The following ADNP2 variants were observed in gnomAD, a reference collection of about 807,000 sequenced individuals.
ADNP2 encodes activity-dependent neuroprotector homeobox protein 2.
ADNP2 carries 8 observed loss-of-function variants against 16.4 expected under a neutral mutation model. The observed-to-expected ratio is 0.49, with a 90% CI of 0.29 to 0.88. The LOEUF is 0.88. Ranked by LOEUF, ADNP2 falls within the 40% of genes least tolerant of loss-of-function variation. The pLI, the probability that ADNP2 is intolerant of heterozygous loss-of-function variation, is 0.09. For synonymous variants in ADNP2, 637 were observed against 545.8 expected (o/e 1.17, Z -2.33); for missense variants, 1,397 against 1,395.1 (o/e 1.00, Z -0.02).
At position 80,135,806 on chromosome 18, in the gene ADNP2, C is replaced by G; in HGVS notation, c.393C>G (p.Val131=). 6 of 1,614,152 alleles carry G rather than the reference C, an allele frequency of 3.7e-6. No homozygotes were observed. Among genetic ancestry groups the G allele is most frequent in the Non-Finnish European group, 5.1e-6 (6 of 1,180,032 alleles). Residue 131 remains valine, a synonymous_variant, in exon 4 of 4, where the codon GTC becomes GTG. Transcript: ENST00000262198. ...GRHFRMFHAP[V]RKVQNYTVNI... is the part of the protein sequence containing the mutation. ...ACTTCAGAATGTTCCATGCACCTGT[C>G]CGGAAAGTCCAGAACTACACAGTGA...
intron 2 of ADNP2, among the ~76,000 whole-genome samples, chr18:80,120,607 G>A (rs998664279): frequency 6.6e-5 from 10 of 151,722 alleles, no homozygotes; most frequent in African/African-American, 2.4e-4. Flanking sequence ...AGAGTGGTGG[G>A]ATTATATGTG....
intron 1 of ADNP2, among the ~76,000 whole-genome samples, chr18:80,115,226 C>T (rs2052381732): frequency 6.6e-6 from 1 of 152,128 alleles, no homozygotes. Flanking sequence ...CTATGGGAGC[C>T]CTTTCAAGCT....
At position 80,136,512 on chromosome 18, in the gene ADNP2, G is replaced by C; in HGVS notation, c.1099G>C (p.Val367Leu). ...TCACGGGGTTCCACTTCATCAGTCT[G>C]TGAATCCTCCTGTGTTGCCCTTGAG... ...LSHGVPLHQS[V>L]NPPVLPLSQP... Residue 367 changes from valine to leucine, a missense_variant, in exon 4 of 4, where the codon GTG becomes CTG. Physicochemically the swap from Val to Leu is conservative, Grantham distance 32 (BLOSUM62 1). Around this residue, in one of 3 missense-constraint regions of ADNP2, gnomAD observed 777 missense variants for 719.4 expected, o/e 1.08. Transcript: ENST00000262198. 6.2e-7 allele frequency: 1 copy of C among 1,614,198 alleles called. No individual in the cohort carries two copies.
At chr18:80,129,110 T>TG (rs1555729824) in intron 2 of ADNP2, among the ~76,000 whole-genome samples, 2 of 149,696 alleles carry the variant, frequency 1.3e-5, no homozygotes, top group African/African-American at 2.5e-5. Flanking sequence ...TTTTTGTTTT[T>TG]TTTTTTTTTT....
chr18:80,114,123 G>A (rs1214957233), intron 1 of ADNP2, among the ~76,000 whole-genome samples: 2 of 151,184 alleles, frequency 1.3e-5, no homozygotes, highest in African/African-American at 4.9e-5. Flanking sequence ...AGGTTGGGAG[G>A]TTGAGGCTGC....
intron 2 of ADNP2, among the ~76,000 whole-genome samples, chr18:80,127,339 G>GT (rs35560770): frequency 0.44 from 44,325 of 101,856 alleles, 10,656 homozygotes; most frequent in East Asian, 0.56. Flanking sequence ...GGTTTTTTCA[G>GT]TTTTTTTTTT....
chr18:80,112,339 A>G (rs1421537105), intron 1 of ADNP2, among the ~76,000 whole-genome samples: 1 of 152,016 alleles, frequency 6.6e-6, no homozygotes, highest in Non-Finnish European at 1.5e-5. Context: ...CCCATCCCCA[A>G]AGTGGTTGGC....
In ADNP2 at chr18:80,117,643, T is replaced by TA; in HGVS notation, c.102dup (p.Leu35ThrfsTer5). The TA allele has an allele frequency of 6.2e-7, 1 of 1,601,166 alleles. No individual in the cohort carries two copies. The highest frequency in any genetic ancestry group is 1.1e-5 in the South Asian group (1 of 88,508). Reference sequence around the variant, plus strand: ...ATTGGGCTTGACAGCTGCAAGGAGTTACTGAAGGTAAGAGGACGTAAGTAG... The same window carrying TA: ...ATTGGGCTTGACAGCTGCAAGGAGTTAACTGAAGGTAAGAGGACGTAAGTAG... On this transcript the variant is annotated frameshift_variant, in exon 2 of 4. Transcript: ENST00000262198. LOFTEE classifies it high-confidence loss of function.
chr18:80,116,939 C>T (rs2052393107), intron 1 of ADNP2, among the ~76,000 whole-genome samples: 1 of 152,200 alleles, frequency 6.6e-6, no homozygotes, highest in African/African-American at 2.4e-5. Context: ...GCCACTGTTC[C>T]CTGCCTGAGC....
At position 80,135,827 on chromosome 18, in the gene ADNP2, A is replaced by G; in HGVS notation, c.414A>G (p.Thr138=). Residue 138 remains threonine (T), a synonymous_variant, in exon 4 of 4, where the codon ACA becomes ACG. Transcript: ENST00000262198. The part of the protein sequence containing the change: ...HAPVRKVQNY[T]VNILGETKSS... ...CTGTCCGGAAAGTCCAGAACTACAC[A>G]GTGAATATTTTAGGTGAAACTAAAT... 1 of 1,614,194 alleles carries G rather than the reference A, an allele frequency of 6.2e-7. No homozygotes were observed. Among genetic ancestry groups the G allele is most frequent in the Non-Finnish European group, 8.5e-7 (1 of 1,180,002 alleles).
intron 1 of ADNP2, among the ~76,000 whole-genome samples, chr18:80,114,590 C>T (rs1426673469): frequency 6.6e-6 from 1 of 152,152 alleles, no homozygotes; most frequent in African/African-American, 2.4e-5. Context: ...ATAACAAAAC[C>T]ATCAAAATCA....
chr18:80,135,592 G>C lies in ADNP2; in HGVS notation c.199-20G>C, dbSNP rs1409783788. On this transcript the variant is annotated intron_variant, in intron 3 of 3. Transcript: ENST00000262198. ...GACAGTTTATTCAATTATGCTTAAG[G>C]CTTTCTTTTCTTTTAACAGAGATAT... 2 of 1,594,600 alleles carry C rather than the reference G, an allele frequency of 1.3e-6. No homozygotes were observed. Among genetic ancestry groups the C allele is most frequent in the African/African-American group, 2.7e-5 (2 of 74,214 alleles).
Position 80,138,817 on chromosome 18 carries a change from A to G in ADNP2, c.*8A>G. The G allele has an allele frequency of 2.3e-6, 2 of 864,430 alleles. No individual in the cohort carries two copies. 53.5% of individuals were successfully genotyped at this position (864,430 alleles called of 1,614,324 possible). The stretch of plus-strand genomic sequence containing the variant: ...TTTGAATATGAACCATAAAACTTGC[A>G]AAAAAAAAAAAAAGTAACTCTAAAG... On this transcript the variant is annotated 3_prime_UTR_variant, in exon 4 of 4. Coordinates refer to ENST00000262198, the MANE Select transcript of ADNP2 (RefSeq NM_014913.4).
chr18:80,119,344 G>A (rs777240700), intron 2 of ADNP2, among the ~76,000 whole-genome samples: 7 of 151,404 alleles, frequency 4.6e-5, no homozygotes, highest in Admixed American at 1.3e-4. Context: ...CCCAGGAGGC[G>A]GAGCTTGCAG....
chr18:80,124,879 C>G (rs1231826335), intron 2 of ADNP2, among the ~76,000 whole-genome samples: 2 of 152,094 alleles, frequency 1.3e-5, no homozygotes, highest in African/African-American at 4.8e-5. Context: ...TGTCTATTTT[C>G]TAATTTTTCT....
At chr18:80,135,400 C>T (rs1432259084) in intron 3 of ADNP2, among the ~76,000 whole-genome samples, 1 of 152,114 alleles carries the variant, frequency 6.6e-6, no homozygotes, top group African/African-American at 2.4e-5. Flanking sequence ...GAGTAGTTGC[C>T]ACAGAGACTG....
intron 1 of ADNP2, among the ~76,000 whole-genome samples, chr18:80,115,946 G>T (rs2052386498): frequency 6.6e-6 from 1 of 152,098 alleles, no homozygotes; most frequent in Non-Finnish European, 1.5e-5. Flanking sequence ...TGTATTTTTA[G>T]TAGAGATGGG....
chr18:80,129,173 G>A (rs553086785), intron 2 of ADNP2, among the ~76,000 whole-genome samples: 40 of 143,426 alleles, frequency 2.8e-4, no homozygotes, highest in Non-Finnish European at 5.3e-4. Context: ...GTGAGATCTC[G>A]GCTCACTGCA....
chr18:80,112,148 A>C (rs1003703706), intron 1 of ADNP2, among the ~76,000 whole-genome samples: 3 of 152,224 alleles, frequency 2.0e-5, no homozygotes, highest in Non-Finnish European at 4.4e-5. Context: ...TATGGAGAAC[A>C]GTATCTATAG....
Sources: allele counts gnomAD v4.1 joint callset (sites outside exome capture counted in the v4.1 genomes callset), GRCh38; gene constraint gnomAD v4.1.1; regional missense constraint gnomAD v4.1.1; transcripts MANE v1.5; gene names NCBI Gene and HGNC (gene_info 2026-07-23, HGNC 2026-07-21).